The following RP1 variants were observed in gnomAD, a reference collection of about 807,000 sequenced individuals.
RP1 encodes the protein RP1 axonemal microtubule associated.
A neutral mutation model predicts 14.8 loss-of-function variants in RP1; 16 were observed. The observed-to-expected ratio is 1.08, with a 90% CI of 0.73 to 1.65. The LOEUF is 1.65. Ranked by LOEUF, RP1 falls within the 40% of genes most tolerant of loss-of-function variation. The pLI, the probability that RP1 is intolerant of heterozygous loss-of-function variation, is 0.00. For missense variants in RP1, 2,631 were observed against 2,535.0 expected (o/e 1.04, Z -0.81); for synonymous variants, 876 against 883.6 (o/e 0.99, Z 0.15).
At chr8:54,594,677 T>C (rs530186545) in intron 1 of RP1, among the ~76,000 whole-genome samples, 1 of 152,358 alleles carries the variant, frequency 6.6e-6, no homozygotes, top group South Asian at 2.1e-4. Context: ...TTCATTCTTT[T>C]CTTTCATTAG....
intron 26 of RP1, among the ~76,000 whole-genome samples, chr8:54,855,447 G>T (rs779018649): frequency 1.3e-5 from 2 of 152,138 alleles, no homozygotes; most frequent in African/African-American, 2.4e-5. Context: ...ACAGTTATAA[G>T]CTAAAACTTT....
intron 20 of RP1, among the ~76,000 whole-genome samples, chr8:54,755,398 GC>G (rs761566575): frequency 1.5e-4 from 23 of 152,096 alleles, no homozygotes; most frequent in Non-Finnish European, 2.9e-4. Context: ...TTCTGAAAAT[GC>G]AATAAACCTT....
chr8:54,777,445 T>C (rs981964581), intron 23 of RP1, among the ~76,000 whole-genome samples: 1 of 152,248 alleles, frequency 6.6e-6, no homozygotes, highest in Non-Finnish European at 1.5e-5. Flanking sequence ...GTTTGATGGT[T>C]GTTTTCTGGA....
At chr8:54,840,608 G>T (rs1402970725) in intron 25 of RP1, among the ~76,000 whole-genome samples, 2 of 130,798 alleles carry the variant, frequency 1.5e-5, no homozygotes, top group Admixed American at 7.9e-5. Context: ...AAAAAAAAAT[G>T]TGGAAGGCAG....
chr8:54,696,175 A>G (rs1407521992), intron 12 of RP1, among the ~76,000 whole-genome samples: 5 of 152,188 alleles, frequency 3.3e-5, no homozygotes, highest in Non-Finnish European at 7.4e-5. Context: ...CCAATGCTAG[A>G]TGAATATACA....
At position 54,625,406 on chromosome 8, in the gene RP1, G is replaced by T. The variant is rs763557973; in HGVS notation, c.1524G>T (p.Met508Ile). The change falls in exon 4 of 4, where the codon ATG becomes ATT. Residue 508 changes from methionine to isoleucine, a missense_variant. Physicochemically the swap from Met to Ile is conservative, Grantham distance 10. Coordinates refer to ENST00000220676, the MANE Select transcript of RP1 (RefSeq NM_006269.2). Reference protein sequence around the residue: ...YHMFTHSCSKMSSVSNKPVLV... With the variant: ...YHMFTHSCSKISSVSNKPVLV... ...TGTTTACACATTCTTGCAGTAAAAT[G>T]TCATCAGTATCTAACAAACCAGTAC... 13 of 1,613,904 alleles carry T rather than the reference G, an allele frequency of 8.1e-6. No individual in the cohort carries two copies. The highest frequency in any genetic ancestry group is 5.1e-6 in the Non-Finnish European group (6 of 1,180,030).
At chr8:54,588,023 T>C (rs1397446488) in intron 1 of RP1, among the ~76,000 whole-genome samples, 2 of 152,252 alleles carry the variant, frequency 1.3e-5, no homozygotes, top group African/African-American at 4.8e-5. Context: ...TTGCCTTATG[T>C]CTGCTGCTAT....
downstream of RP1, among the ~76,000 whole-genome samples, chr8:54,631,785 C>G (rs1373641294): frequency 6.6e-6 from 1 of 151,964 alleles, no homozygotes; most frequent in Non-Finnish European, 1.5e-5. Context: ...CAGGCACACG[C>G]CACTGCGCTG....
At chr8:54,739,093 T>C (rs1055410606) in intron 19 of RP1, 119 of 1,182,578 alleles carry the variant, frequency 1.0e-4, no homozygotes, top group Non-Finnish European at 1.2e-4. Flanking sequence ...AAGCTGGCTA[T>C]GTAAAGCAGT....
intron 3 of RP1, among the ~76,000 whole-genome samples, chr8:54,623,951 C>T (rs183093888): frequency 6.6e-6 from 1 of 152,184 alleles, no homozygotes; most frequent in African/African-American, 2.4e-5. Flanking sequence ...AATGAAAACC[C>T]ACAAAAAACT....
At chr8:54,673,809 G>A in intron 7 of RP1, 1 of 1,429,582 alleles carries the variant, frequency 7.0e-7, no homozygotes, top group South Asian at 1.2e-5. Flanking sequence ...ATAAATCAGA[G>A]TTATAGTCTA....
At chr8:54,643,582 A>G (rs947865293) in intron 3 of RP1, among the ~76,000 whole-genome samples, 2 of 152,226 alleles carry the variant, frequency 1.3e-5, no homozygotes, top group Non-Finnish European at 2.9e-5. Context: ...TTTTACCTGT[A>G]GAGTCACCTC....
At chr8:54,643,727 C>G (rs527979566) in intron 3 of RP1, among the ~76,000 whole-genome samples, 2 of 152,280 alleles carry the variant, frequency 1.3e-5, no homozygotes, top group East Asian at 3.9e-4. Context: ...TCCCTCACCT[C>G]TTCTCTGGCT....
At chr8:54,673,932 A>T in intron 8 of RP1, 1 of 1,533,288 alleles carries the variant, frequency 6.5e-7, no homozygotes, top group Non-Finnish European at 8.7e-7. Flanking sequence ...GGCCCAGGTA[A>T]GACTCTTCCA....
chr8:54,775,375 C>A (rs1273408901), intron 23 of RP1, among the ~76,000 whole-genome samples: 1 of 152,178 alleles, frequency 6.6e-6, no homozygotes, highest in East Asian at 1.9e-4. Context: ...TTGCTGTACA[C>A]TATTAGGTCA....
At chr8:54,774,013 GA>G (rs1809974615), downstream of RP1, among the ~76,000 whole-genome samples, 1 of 152,166 alleles carries the variant, frequency 6.6e-6, no homozygotes, top group South Asian at 2.1e-4. Flanking sequence ...TCTGCTCAAA[GA>G]AAGAAAATTA....
At chr8:54,644,698 A>T (rs961980122) in intron 3 of RP1, among the ~76,000 whole-genome samples, 1 of 152,162 alleles carries the variant, frequency 6.6e-6, no homozygotes, top group African/African-American at 2.4e-5. Context: ...AATCTTTTTC[A>T]GTTTCCTGGG....
rs532339722 is a variant in RP1 at position 54,760,963 on chromosome 8, G to A, written c.3248+1887G>A. On this transcript the variant is annotated intron_variant, in intron 22 of 22. Transcript: ENST00000636932. ...AACACATAGCACTGAAGAGGACTTGGGTGTCATTTCCCAGCCTGCTCCCAC... is the reference window on the plus strand; with the variant it reads ...AACACATAGCACTGAAGAGGACTTGAGTGTCATTTCCCAGCCTGCTCCCAC... Among the ~76,000 whole-genome samples, 5 of 152,186 alleles carry A rather than the reference G, an allele frequency of 3.3e-5. No homozygotes were observed. The South Asian group carries it at 1.0e-3, about 32-fold the overall frequency.
At chr8:54,738,988 C>T in exon 19 of RP1, 2 of 1,530,564 alleles carry the variant, frequency 1.3e-6, no homozygotes, top group Non-Finnish European at 1.7e-6. Context: ...AAGGATAGGA[C>T]ATGATGGAAC....
Sources: gnomAD v4.1 joint callset for allele counts (sites outside exome capture counted in the v4.1 genomes callset) on GRCh38, gnomAD v4.1.1 for gene constraint, MANE v1.5 for transcripts, NCBI Gene and HGNC (gene_info 2026-07-23, HGNC 2026-07-21) for gene names.